The following GPT2 variants were observed in gnomAD, a reference collection of about 807,000 sequenced individuals.
GPT2 encodes the protein alanine aminotransferase 2.
A neutral mutation model predicts 56.9 loss-of-function variants in GPT2; 30 were observed. The ratio of observed to expected loss-of-function variants is 0.53; its 90% CI spans 0.39 to 0.72. The LOEUF is 0.72. Ranked by LOEUF, GPT2 falls within the 30% of genes least tolerant of loss-of-function variation. The pLI is 0.00. For synonymous variants in GPT2, 271 were observed against 283.1 expected (o/e 0.96, Z 0.43); for missense variants, 542 against 703.4 (o/e 0.77, Z 2.60).
intron 5 of GPT2, among the ~76,000 whole-genome samples, chr16:46,908,895 G>A (rs190696482): frequency 1.7e-3 from 265 of 152,288 alleles, no homozygotes; most frequent in African/African-American, 6.0e-3. Flanking sequence ...ACCTATGCCC[G>A]TGTTTAAGGT....
intron 6 of GPT2, chr16:46,916,141 G>A (rs535585183): frequency 6.5e-6 from 1 of 153,428 alleles, no homozygotes; most frequent in South Asian, 2.0e-4. Context: ...GAGGTTGGCA[G>A]TTCAAGACCA....
intron 11 of GPT2, among the ~76,000 whole-genome samples, chr16:46,927,472 G>A (rs1961441467): frequency 6.6e-6 from 1 of 152,184 alleles, no homozygotes. Context: ...AGCCTGCCGA[G>A]GAACTGCAGG....
At chr16:46,919,020 G>T (rs1961228219) in intron 8 of GPT2, among the ~76,000 whole-genome samples, 1 of 152,226 alleles carries the variant, frequency 6.6e-6, no homozygotes, top group South Asian at 2.1e-4. Flanking sequence ...GCGACACCTG[G>T]TGTTTTCTCT....
chr16:46,924,358 T>C, intron 9 of GPT2, 31 bp from the exon 10 acceptor site: 1 of 1,612,698 alleles, frequency 6.2e-7, no homozygotes, highest in East Asian at 2.2e-5. Flanking sequence ...CCAGAGATAC[T>C]GACTGCTGTG....
chr16:46,886,002 C>T (rs1228673335), intron 2 of GPT2, among the ~76,000 whole-genome samples: 1 of 152,142 alleles, frequency 6.6e-6, no homozygotes, highest in African/African-American at 2.4e-5. Context: ...GGGATCATGA[C>T]ACTTGGTCCC....
At chr16:46,898,229 G>A (rs1960722232) in intron 3 of GPT2, among the ~76,000 whole-genome samples, 2 of 152,198 alleles carry the variant, frequency 1.3e-5, no homozygotes, top group African/African-American at 4.8e-5. Context: ...CCTTGGTGAG[G>A]CGATGAGTGC....
chr16:46,891,335 C>T (rs1232741301), intron 2 of GPT2, among the ~76,000 whole-genome samples: 8 of 151,990 alleles, frequency 5.3e-5, no homozygotes, highest in Non-Finnish European at 1.0e-4. Context: ...CTCCGTCTCC[C>T]GGGTTCAGGT....
intron 2 of GPT2, among the ~76,000 whole-genome samples, chr16:46,890,544 C>G (rs1357331093): frequency 6.6e-6 from 1 of 152,130 alleles, no homozygotes; most frequent in Non-Finnish European, 1.5e-5. Flanking sequence ...CCTTTCTGCC[C>G]ACAGGCCATG....
intron 3 of GPT2, 68 bp from the exon 4 acceptor site, chr16:46,900,614 C>T: frequency 8.0e-7 from 1 of 1,251,400 alleles, no homozygotes. Flanking sequence ...TCCCAGTGGC[C>T]TCTGTGCTCC....
chr16:46,928,839 AGCT>A, intron 11 of GPT2, 65 bp from the exon 12 acceptor site: 1 of 1,191,506 alleles, frequency 8.4e-7, no homozygotes, highest in Non-Finnish European at 1.3e-6. Flanking sequence ...GAGGCAGTTT[AGCT>A]GCTGGATTCG....
At chr16:46,927,110 C>G in intron 11 of GPT2, 73 bp downstream of exon 11, 1 of 895,004 alleles carries the variant, frequency 1.1e-6, no homozygotes. Context: ...TGACATGGAG[C>G]AGAGGACTAC....
At chr16:46,923,819 GC>G in intron 9 of GPT2, 1 of 198,382 alleles carries the variant, frequency 5.0e-6, no homozygotes, top group East Asian at 1.2e-4. Flanking sequence ...CATTGGTGGG[GC>G]CCATCTGCAG....
chr16:46,928,864 T>A (rs367577790), intron 11 of GPT2, 43 bp from the exon 12 acceptor site: 1 of 1,470,350 alleles, frequency 6.8e-7, no homozygotes, highest in Non-Finnish European at 9.5e-7. Flanking sequence ...TCCTCTCCCA[T>A]CTTGCAGAGC....
Position 46,900,927 on chromosome 16 carries a change from A to C in GPT2, c.442+137A>C, listed in dbSNP as rs564280056. ...GTGGCTGACAGCACACAGAGTAAAC[A>C]AAAAATAGCGTCCTCTTCCCACTCA... is the stretch of plus-strand genomic sequence containing the variant. On this transcript the variant is annotated intron_variant, in intron 4 of 11. Coordinates refer to ENST00000340124, the MANE Select transcript of GPT2 (RefSeq NM_133443.4). 31 of 639,054 alleles carry C rather than the reference A, an allele frequency of 4.9e-5. No homozygotes were observed. In the South Asian group the frequency reaches 5.8e-4, roughly 12 times the overall value. The allele number at this position is 639,054 out of a possible 1,614,324, so 39.6% of individuals were successfully genotyped here.
intron 2 of GPT2, among the ~76,000 whole-genome samples, chr16:46,893,643 T>A (rs1418549813): frequency 6.6e-6 from 1 of 151,978 alleles, no homozygotes; most frequent in African/African-American, 2.4e-5. Context: ...TAACACCCTA[T>A]GAAATATGCC....
At chr16:46,922,916 T>TA (rs1386046544) in intron 9 of GPT2, among the ~76,000 whole-genome samples, 3 of 152,176 alleles carry the variant, frequency 2.0e-5, no homozygotes, top group Non-Finnish European at 4.4e-5. Flanking sequence ...ACTTCTTTTT[T>TA]AAAAAATTGT....
chr16:46,908,420 G>A (rs1960980496), intron 5 of GPT2, among the ~76,000 whole-genome samples: 1 of 152,144 alleles, frequency 6.6e-6, no homozygotes, highest in Admixed American at 6.5e-5. Context: ...ATCCCTTTCT[G>A]CACACGCCTC....
In GPT2 at chr16:46,930,855, G is replaced by T. The variant is rs1450908846; in HGVS notation, c.*1858G>T. 1 of 152,606 alleles carries T rather than the reference G, an allele frequency of 6.6e-6. No individual in the cohort carries two copies. Among genetic ancestry groups the T allele is most frequent in the Non-Finnish European group, 1.5e-5 (1 of 68,030 alleles). The allele number at this position is 152,606 out of a possible 1,614,324, so 9.5% of individuals were successfully genotyped here. ...TTTTAAAAAGAGACTGTATACACTT[G>T]ATTTGCTTTCAAAATAAATAAGGTC... is the stretch of plus-strand genomic sequence containing the variant. On this transcript the variant is annotated 3_prime_UTR_variant, in exon 12 of 12. Transcript: ENST00000340124.
At chr16:46,906,790 C>T in intron 4 of GPT2, 52 bp from the exon 5 acceptor site, 1 of 1,605,866 alleles carries the variant, frequency 6.2e-7, no homozygotes, top group Non-Finnish European at 8.5e-7. Flanking sequence ...TATATTGACC[C>T]TGTGGAGCCA....
Sources: gnomAD v4.1 joint callset for allele counts (sites outside exome capture counted in the v4.1 genomes callset) on GRCh38, gnomAD v4.1.1 for gene constraint, MANE v1.5 for transcripts, NCBI Gene and HGNC (gene_info 2026-07-23, HGNC 2026-07-21) for gene names.